Variants in SLC37A1 observed in about 807,000 individuals in gnomAD.
SLC37A1 encodes the protein glucose-6-phosphate exchanger SLC37A1.
SLC37A1 carries 49 observed loss-of-function variants against 75.3 expected under a neutral mutation model. The ratio of observed to expected loss-of-function variants is 0.65; its 90% CI spans 0.52 to 0.83. The LOEUF is 0.83. Ranked by LOEUF, SLC37A1 falls within the 40% of genes least tolerant of loss-of-function variation. SLC37A1 has a pLI of 0.00. For missense variants in SLC37A1, 566 were observed against 695.0 expected (o/e 0.81, Z 2.09); for synonymous variants, 268 against 292.1 (o/e 0.92, Z 0.84).
Position 42,547,248 on chromosome 21 carries a change from A to G in SLC37A1, c.768+108A>G, listed in dbSNP as rs2055433298. 1 of 1,212,972 alleles carries G rather than the reference A, an allele frequency of 8.2e-7. No individual in the cohort carries two copies. Among genetic ancestry groups the G allele is most frequent in the Non-Finnish European group, 1.2e-6 (1 of 823,542 alleles). 75.1% of individuals were successfully genotyped at this position (1,212,972 alleles called of 1,614,324 possible). A position where few individuals can be genotyped will look rare whatever the true frequency, so the allele number is the denominator to read the frequency against. ...TCAGACAGAAACACACAGGGTAGAC[A>G]GAAGTCCCACCCTCAAAACATTGGC... On this transcript the variant is annotated intron_variant, in intron 9 of 19. Coordinates refer to ENST00000352133, the MANE Select transcript of SLC37A1 (RefSeq NM_001320537.2). This position sits in a 1 kb window ranked among gnomAD's most constrained non-coding sequence, Gnocchi z 6.1.
upstream of SLC37A1, among the ~76,000 whole-genome samples, chr21:42,513,040 G>C (rs140845880): frequency 7.1e-3 from 1,077 of 152,338 alleles, 6 homozygotes; most frequent in African/African-American, 0.024. Context: ...CCGGGGGCAG[G>C]CTTTTTCCCC....
At chr21:42,522,503 C>A (rs372245273) in intron 2 of SLC37A1, among the ~76,000 whole-genome samples, 1 of 152,100 alleles carries the variant, frequency 6.6e-6, no homozygotes, top group Non-Finnish European at 1.5e-5. Context: ...GCAATAGTCA[C>A]GGGAGCTGAA....
At chr21:42,517,014 G>T (rs8130392) in intron 1 of SLC37A1, among the ~76,000 whole-genome samples, 1 of 152,188 alleles carries the variant, frequency 6.6e-6, no homozygotes, top group African/African-American at 2.4e-5. Flanking sequence ...TTCATTCAAC[G>T]TGAGTTTCTT....
chr21:42,505,365 C>T (rs1371923351), intron 2 of SLC37A1, among the ~76,000 whole-genome samples: 1 of 152,200 alleles, frequency 6.6e-6, no homozygotes, highest in East Asian at 1.9e-4. Flanking sequence ...TGTTTGTTCT[C>T]TGCTTGGAAC....
chr21:42,564,842 C>T, intron 14 of SLC37A1, 49 bp downstream of exon 14: 2 of 1,520,172 alleles, frequency 1.3e-6, no homozygotes, highest in Admixed American at 1.7e-5. Flanking sequence ...GACAGTCCCC[C>T]ACTGTCCTCC....
At chr21:42,503,107 A>G (rs1171666969) in intron 2 of SLC37A1, 1 of 152,180 alleles carries the variant, frequency 6.6e-6, no homozygotes, top group East Asian at 1.9e-4. Context: ...AAAAATTTCC[A>G]AAGTGTTTTA....
chr21:42,546,014 A>C (rs1161616455), intron 8 of SLC37A1, among the ~76,000 whole-genome samples: 1 of 152,122 alleles, frequency 6.6e-6, no homozygotes, highest in Non-Finnish European at 1.5e-5. Context: ...ATGTCCCTCT[A>C]TGATGTCACC....
chr21:42,574,691 G>A (rs1436155547), intron 17 of SLC37A1, 127 bp from the exon 18 acceptor site: 29 of 814,252 alleles, frequency 3.6e-5, no homozygotes, highest in Non-Finnish European at 2.3e-5. Context: ...CCAGGATGAG[G>A]TAGTGTAGTT....
chr21:42,569,969 G>C (rs116859718), intron 17 of SLC37A1, among the ~76,000 whole-genome samples: 2 of 151,354 alleles, frequency 1.3e-5, no homozygotes, highest in Admixed American at 1.3e-4. Context: ...CTTGTTCTGC[G>C]TTTCCTTGTT....
intron 14 of SLC37A1, 150 bp downstream of exon 14, chr21:42,564,943 T>C: frequency 1.4e-6 from 1 of 699,372 alleles, no homozygotes; most frequent in Non-Finnish European, 2.4e-6. Flanking sequence ...CCCCGACCCC[T>C]CCCTTGGCAC....
Position 42,562,228 on chromosome 21 carries a change from T to C in SLC37A1, c.1072+60T>C, listed in dbSNP as rs17115123. On this transcript the variant is annotated intron_variant, in intron 12 of 19. Transcript: ENST00000352133. ...ACAGTGACTGGGGTCCGAAGTCTCT[T>C]CTGTCTGCTGGTTTCTAGAGTATTG... 4,632 of 1,454,814 alleles carry C rather than the reference T, an allele frequency of 3.2e-3. 112 individuals are homozygous for C. The African/African-American group carries it at 0.053, about 17-fold the overall frequency. 90.1% of individuals were successfully genotyped at this position (1,454,814 alleles called of 1,614,324 possible). A position where few individuals can be genotyped will look rare whatever the true frequency, so the allele number is the denominator to read the frequency against.
Position 42,551,531 on chromosome 21 carries a change from T to C in SLC37A1, c.769-2531T>C, listed in dbSNP as rs371520677. 8.9e-4 allele frequency among the ~76,000 whole-genome samples: 136 copies of C among 152,342 alleles called. 3 individuals carry two copies. In the South Asian group the frequency reaches 0.025, roughly 29 times the overall value. On this transcript the variant is annotated intron_variant, in intron 9 of 19. Coordinates refer to ENST00000352133, the MANE Select transcript of SLC37A1 (RefSeq NM_001320537.2). ...AATGTTCTCAAATTGTAGTGATGGT[T>C]GCAAAACTGAATTTAAAAACCACTG...
At position 42,548,544 on chromosome 21, in the gene SLC37A1, C is replaced by T. The variant is rs573741287; in HGVS notation, c.768+1404C>T. ...TGTGAGGGGATGTGGAATGGAAACC[C>T]TCTCACCTCCTCCGCCTCTACCACC... On this transcript the variant is annotated intron_variant, in intron 9 of 19. Transcript: ENST00000352133. The surrounding 1 kb of genome is among the most constrained non-coding windows in gnomAD (Gnocchi z 5.6). Among the ~76,000 whole-genome samples the T allele has an allele frequency of 5.9e-5, 9 of 152,246 alleles. No individual in the cohort carries two copies. In the East Asian group the frequency reaches 1.7e-3, roughly 29 times the overall value.
chr21:42,560,230 T>C (rs897189396), intron 11 of SLC37A1: 1 of 152,432 alleles, frequency 6.6e-6, no homozygotes, highest in Non-Finnish European at 1.5e-5. Flanking sequence ...GCACAGGGTG[T>C]GGAGACACTG....
intron 10 of SLC37A1, among the ~76,000 whole-genome samples, chr21:42,557,222 C>T (rs1444713698): frequency 6.6e-6 from 1 of 152,314 alleles, no homozygotes; most frequent in South Asian, 2.1e-4. Context: ...TCCTGCGGAA[C>T]GGCCTGTGAA....
chr21:42,568,047 C>T (rs73908203), intron 16 of SLC37A1, among the ~76,000 whole-genome samples: 3,893 of 152,368 alleles, frequency 0.026, 159 homozygotes, highest in African/African-American at 0.089. Flanking sequence ...GCGTTGCGCA[C>T]CTTCACGCCT....
intron 3 of SLC37A1, among the ~76,000 whole-genome samples, chr21:42,526,546 C>G (rs897391428): frequency 7.2e-5 from 11 of 152,274 alleles, no homozygotes; most frequent in African/African-American, 2.4e-4. Context: ...TGGCAGGGAC[C>G]CAGCTCCAGG....
At chr21:42,533,389 C>T (rs1420422352) in intron 3 of SLC37A1, among the ~76,000 whole-genome samples, 1 of 152,196 alleles carries the variant, frequency 6.6e-6, no homozygotes, top group Admixed American at 6.5e-5. Context: ...TACAGAGACC[C>T]CTGAGAAGAG....
intron 11 of SLC37A1, 101 bp downstream of exon 11, chr21:42,559,190 G>A (rs910037526): frequency 2.8e-6 from 4 of 1,440,506 alleles, no homozygotes; most frequent in African/African-American, 2.9e-5. Context: ...ATCTGTGGTT[G>A]TAGAACCCGG....
Sources: allele counts gnomAD v4.1 joint callset (sites outside exome capture counted in the v4.1 genomes callset), GRCh38; gene constraint gnomAD v4.1.1; non-coding constraint Gnocchi (gnomAD v3.1); transcripts MANE v1.5; gene names NCBI Gene and HGNC (gene_info 2026-07-23, HGNC 2026-07-21).